Variants in DIP2C observed in about 807,000 individuals in gnomAD.
The protein encoded by DIP2C is DIP2 acetate--CoA ligase C (putative), also known as disco-interacting protein 2 homolog C.
A neutral mutation model predicts 192.4 loss-of-function variants in DIP2C; 33 were observed. The observed-to-expected ratio is 0.17, with a 90% CI of 0.13 to 0.23. The LOEUF (loss-of-function observed/expected upper bound fraction) is 0.23. Ranked by LOEUF, DIP2C falls within the 10% of genes least tolerant of loss-of-function variation. DIP2C has a pLI of 1.00. For missense variants in DIP2C, 1,537 were observed against 2,110.1 expected, an observed-to-expected ratio of 0.73 and a Z score of 5.32; for synonymous variants, 979 against 864.1, an observed-to-expected ratio of 1.13 and a Z score of -2.33.
chr10:657,577 C>T (rs1856446751), intron 1 of DIP2C, among the ~76,000 whole-genome samples: 2 of 87,918 alleles, frequency 2.3e-5, no homozygotes, highest in African/African-American at 3.7e-5. Context: ...GGACCTGCCC[C>T]TGGACCTGCC....
At chr10:440,039 G>T (rs1425564092) in intron 4 of DIP2C, among the ~76,000 whole-genome samples, 1 of 152,118 alleles carries the variant, frequency 6.6e-6, no homozygotes, top group African/African-American at 2.4e-5. Context: ...AACAACGTAG[G>T]TTCAATCCAT....
chr10:302,788 TAAAA>T lies in DIP2C; in HGVS notation c.3986+7239_3986+7242del, dbSNP rs1564526696. Reference sequence around the variant, plus strand: ...CACAGTAAAACATGCTGTGAAAAGATAAAAAATGGTGCACCCATATAGGGAACTT... The same window carrying T: ...CACAGTAAAACATGCTGTGAAAAGATAATGGTGCACCCATATAGGGAACTT... On this transcript the variant is annotated intron_variant, in intron 32 of 36. Transcript: ENST00000280886. Among the ~76,000 whole-genome samples, 5 of 152,218 alleles carry T rather than the reference TAAAA, an allele frequency of 3.3e-5. No individual in the cohort carries two copies. The South Asian group carries it at 1.0e-3, about 32-fold the overall frequency.
At chr10:379,342 G>A (rs558463364) in intron 17 of DIP2C, among the ~76,000 whole-genome samples, 133 of 152,184 alleles carry the variant, frequency 8.7e-4, no homozygotes, top group African/African-American at 2.8e-3. Flanking sequence ...GGATACTGGA[G>A]GTTCCATTGA....
At chr10:596,695 G>C (rs115569185) in intron 1 of DIP2C, among the ~76,000 whole-genome samples, 1 of 152,008 alleles carries the variant, frequency 6.6e-6, no homozygotes, top group Non-Finnish European at 1.5e-5. Flanking sequence ...GAATGGAATC[G>C]GCATAGGGAA....
rs1717525152 is a variant in DIP2C at position 536,698 on chromosome 10, T to A, written c.86-50168A>T. On this transcript the variant is annotated intron_variant, in intron 1 of 36. Transcript: ENST00000280886. The stretch of plus-strand genomic sequence containing the variant: ...GTGGAGGGGGGGCCATCCTGAGAGG[T>A]GCTAAGACAAAGACAGTGAGTGCTG... 2.0e-5 allele frequency among the ~76,000 whole-genome samples: 3 copies of A among 152,254 alleles called. 1 individual carries two copies. In the South Asian group the frequency reaches 6.2e-4, roughly 32 times the overall value.
chr10:625,165 A>G (rs940198602), intron 1 of DIP2C, among the ~76,000 whole-genome samples: 3 of 152,306 alleles, frequency 2.0e-5, no homozygotes, highest in African/African-American at 4.8e-5. Flanking sequence ...TTACGCTGAC[A>G]ATTACAAACA....
intron 32 of DIP2C, among the ~76,000 whole-genome samples, chr10:301,520 G>A (rs970291681): frequency 1.1e-4 from 17 of 152,174 alleles, no homozygotes; most frequent in Admixed American, 5.9e-4. Flanking sequence ...AAGGTTTAAC[G>A]TTACACTGAC....
At chr10:611,537 TACC>T (rs1853100070) in intron 1 of DIP2C, among the ~76,000 whole-genome samples, 1 of 152,164 alleles carries the variant, frequency 6.6e-6, no homozygotes, top group Admixed American at 6.5e-5. Flanking sequence ...ATTTGTCTCT[TACC>T]ACCTTTCTCA....
chr10:613,717 A>G (rs1853251298), intron 1 of DIP2C, among the ~76,000 whole-genome samples: 2 of 152,196 alleles, frequency 1.3e-5, no homozygotes, highest in Admixed American at 6.5e-5. Flanking sequence ...ATGGAGTTCA[A>G]CAGATCCTCT....
chr10:610,775 C>G (rs985932302), intron 1 of DIP2C, among the ~76,000 whole-genome samples: 1 of 150,078 alleles, frequency 6.7e-6, no homozygotes, highest in Non-Finnish European at 1.5e-5. Flanking sequence ...GGAGGTGGGC[C>G]CTGGTGGGAG....
intron 1 of DIP2C, among the ~76,000 whole-genome samples, chr10:566,255 CTG>C (rs1849462154): frequency 6.6e-6 from 1 of 152,174 alleles, no homozygotes; most frequent in African/African-American, 2.4e-5. Flanking sequence ...CCTTTTTAAA[CTG>C]TAATCGTAGT....
At chr10:279,720 A>G (rs1017615981) in intron 36 of DIP2C, among the ~76,000 whole-genome samples, 2 of 152,224 alleles carry the variant, frequency 1.3e-5, no homozygotes, top group East Asian at 3.9e-4. Flanking sequence ...AACATTCAAA[A>G]GTCCACTCAA....
rs1434085659 is a variant in DIP2C, at chr10:363,049, A to C, written c.2592+148T>G. On this transcript the variant is annotated intron_variant, in intron 21 of 36. Coordinates refer to ENST00000280886, the MANE Select transcript of DIP2C (RefSeq NM_014974.3). This position sits in a 1 kb window ranked among gnomAD's most constrained non-coding sequence, Gnocchi z 5.4. Reference sequence around the variant, plus strand: ...CGATCTGCTGAGCTAGTTTCTGGACACTTGATGTAGTTCCTGATCAAATGA... The same window carrying C: ...CGATCTGCTGAGCTAGTTTCTGGACCCTTGATGTAGTTCCTGATCAAATGA... The C allele has an allele frequency of 2.9e-6, 2 of 680,408 alleles. No homozygotes were observed. Among genetic ancestry groups the C allele is most frequent in the Middle Eastern group, 4.1e-4 (1 of 2,418 alleles). 42.1% of individuals were successfully genotyped at this position (680,408 alleles called of 1,614,324 possible). A position where few individuals can be genotyped will look rare whatever the true frequency, so the allele number is the denominator to read the frequency against.
intron 29 of DIP2C, among the ~76,000 whole-genome samples, chr10:337,972 G>A (rs1957949788): frequency 6.6e-6 from 1 of 151,410 alleles, no homozygotes; most frequent in South Asian, 2.1e-4. Flanking sequence ...GTGTGTGCGT[G>A]TGTGTGTGTT....
At chr10:465,831 G>C (rs1195028448) in intron 3 of DIP2C, among the ~76,000 whole-genome samples, 1 of 150,950 alleles carries the variant, frequency 6.6e-6, no homozygotes, top group Non-Finnish European at 1.5e-5. Flanking sequence ...CAACTTACAA[G>C]GGATGTGAAG....
At chr10:414,739 G>GTGTGTATGTA in intron 7 of DIP2C, among the ~76,000 whole-genome samples, 1 of 90,510 alleles carries the variant, frequency 1.1e-5, no homozygotes, top group South Asian at 4.0e-4. Flanking sequence ...GTGTGTGTGT[G>GTGTGTATGTA]TACATATATA....
At chr10:419,653 G>A (rs935605497) in intron 5 of DIP2C, among the ~76,000 whole-genome samples, 9 of 152,136 alleles carry the variant, frequency 5.9e-5, no homozygotes, top group Non-Finnish European at 1.2e-4. Flanking sequence ...TCGTCAAATG[G>A]GAACAGTAAT....
rs1222047611 is a variant in DIP2C, at chr10:347,526, C to T, written c.3231+1115G>A. On this transcript the variant is annotated intron_variant, in intron 26 of 36. Transcript: ENST00000280886. ...GCATAGTTCTCCCGGAAACCCCACA[C>T]GCACCCAACCCAGACACATCGCGCA... 5.5e-5 allele frequency among the ~76,000 whole-genome samples: 7 copies of T among 126,992 alleles called. 1 individual carries two copies. Among genetic ancestry groups the T allele is most frequent in the Admixed American group, 7.7e-5 (1 of 12,972 alleles). The allele number at this position is 126,992 out of a possible 152,430, so 83.3% of individuals were successfully genotyped here.
intron 1 of DIP2C, among the ~76,000 whole-genome samples, chr10:680,859 G>A (rs779975346): frequency 6.6e-6 from 1 of 152,254 alleles, no homozygotes; most frequent in Non-Finnish European, 1.5e-5. Context: ...CCTGACACAT[G>A]GTGCAGCCAC....
Sources: allele counts gnomAD v4.1 joint callset (sites outside exome capture counted in the v4.1 genomes callset), GRCh38; gene constraint gnomAD v4.1.1; non-coding constraint Gnocchi (gnomAD v3.1); transcripts MANE v1.5; gene names NCBI Gene and HGNC (gene_info 2026-07-23, HGNC 2026-07-21).